Variants in TRPV3 observed in about 807,000 individuals in gnomAD.
The protein encoded by TRPV3 is VRL-3.
Under a neutral mutation model 87.1 loss-of-function variants are expected in TRPV3, and 88 were observed. That is an observed-to-expected ratio of 1.01 (90% confidence interval 0.85 to 1.21). TRPV3 has a LOEUF of 1.21. TRPV3 is among the 50% of genes most tolerant of loss of function. The pLI, the probability that TRPV3 is intolerant of heterozygous loss-of-function variation, is 0.00. For missense variants in TRPV3, 1,054 were observed against 1,030.1 expected, an observed-to-expected ratio of 1.02 and a Z score of -0.32; for synonymous variants, 438 against 423.3, an observed-to-expected ratio of 1.03 and a Z score of -0.43.
At chr17:3,554,689 C>T (rs2074610073) in intron 2 of TRPV3, 43 bp downstream of exon 2, 7 of 1,404,982 alleles carry the variant, frequency 5.0e-6, no homozygotes, top group Non-Finnish European at 7.0e-6. Context: ...CACTCGTGCC[C>T]CTCACAGTGC....
At position 3,545,265 on chromosome 17, in the gene TRPV3, G is replaced by T. The variant is rs920852886; in HGVS notation, c.126C>A (p.His42Gln). ...AEITPTKKSA[H>Q]FFLEIEGFEP... ...CAAACCCTTCTATCTCCAGGAAGAA[G>T]TGTGCACTGAGGGAACACGGAGGAA... is the stretch of plus-strand genomic sequence containing the variant. The change falls in exon 3 of 18, where the codon CAC becomes CAA. Residue 42 changes from histidine (H) to glutamine (Q), a missense_variant. His to Gln is a conservative substitution (Grantham distance 24). Transcript: ENST00000576742. The T allele has an allele frequency of 6.2e-7, 1 of 1,613,008 alleles. No individual in the cohort carries two copies. Among genetic ancestry groups the T allele is most frequent in the Non-Finnish European group, 8.5e-7 (1 of 1,179,118 alleles).
chr17:3,532,537 A>T, intron 8 of TRPV3, 120 bp downstream of exon 8: 1 of 1,298,122 alleles, frequency 7.7e-7, no homozygotes, highest in Non-Finnish European at 1.1e-6. Context: ...CAAGGCTGGG[A>T]CCTTCTCAAG....
At chr17:3,525,061 CT>C (rs971383678) in intron 12 of TRPV3, among the ~76,000 whole-genome samples, 42 of 152,266 alleles carry the variant, frequency 2.8e-4, no homozygotes, top group Non-Finnish European at 3.4e-4. Flanking sequence ...GCTCTGTCAC[CT>C]AGGCTGGAGT....
chr17:3,528,990 C>T lies in TRPV3; in HGVS notation c.1248G>A (p.Arg416=), dbSNP rs1388997901. The T allele has an allele frequency of 6.2e-7, 1 of 1,614,020 alleles. No individual in the cohort carries two copies. Among genetic ancestry groups the T allele is most frequent in the East Asian group, 2.2e-5 (1 of 44,898 alleles). ...ITVYNTNIDN[R]HEMLTLEPLH... ...GCGGCTCCAGGGTCAGCATCTCATGCCGGTTCTAGGGGTAGAATGCCACCA... is the reference window on the plus strand; with the variant it reads ...GCGGCTCCAGGGTCAGCATCTCATGTCGGTTCTAGGGGTAGAATGCCACCA... Residue 416 remains arginine, a synonymous_variant, in exon 10 of 18, where the codon CGG becomes CGA. Transcript: ENST00000576742. This position sits in a 1 kb window ranked among gnomAD's most constrained non-coding sequence, Gnocchi z 4.2.
chr17:3,528,010 G>T lies in TRPV3; in HGVS notation c.1503+15C>A. 6.3e-7 allele frequency: 1 copy of T among 1,598,958 alleles called. No homozygotes were observed. Among genetic ancestry groups the T allele is most frequent in the Middle Eastern group, 1.8e-4 (1 of 5,692 alleles). On this transcript the variant is annotated intron_variant, in intron 11 of 17. Coordinates refer to ENST00000576742, the MANE Select transcript of TRPV3 (RefSeq NM_145068.4). The surrounding 1 kb of genome is among the most constrained non-coding windows in gnomAD (Gnocchi z 4.2). Reference sequence around the variant, plus strand: ...CCTCGCGGGGCGGTCTGGAAGGGCCGGGTGGCCCACTTACCTCTTTCACAG... The same window carrying T: ...CCTCGCGGGGCGGTCTGGAAGGGCCTGGTGGCCCACTTACCTCTTTCACAG...
At chr17:3,555,208 C>T (rs113920307) in intron 1 of TRPV3, among the ~76,000 whole-genome samples, 1,634 of 152,220 alleles carry the variant, frequency 0.011, 30 homozygotes, top group African/African-American at 0.036. Context: ...CGGTAGAGAC[C>T]ACCATGCCCC....
At chr17:3,529,819 A>G (rs1033494305) in intron 9 of TRPV3, among the ~76,000 whole-genome samples, 2 of 109,894 alleles carry the variant, frequency 1.8e-5, no homozygotes, top group East Asian at 6.0e-4. Context: ...TCTACAGTCC[A>G]AGGTCAATCA....
rs1350437439 is a variant in TRPV3 at position 3,514,605 on chromosome 17, C to T, written c.2266G>A (p.Val756Ile). The T allele has an allele frequency of 1.5e-5, 25 of 1,613,796 alleles. No individual in the cohort carries two copies. The highest frequency in any genetic ancestry group is 2.0e-5 in the Non-Finnish European group (24 of 1,179,680). The change falls in exon 17 of 18, where the codon GTA becomes ATA. Residue 756 changes from valine to isoleucine, a missense_variant. Coordinates refer to ENST00000576742, the MANE Select transcript of TRPV3 (RefSeq NM_145068.4). ...VSFLNEDPGPVRRTDFNKIQD... is the reference protein window; with the variant it reads ...VSFLNEDPGPIRRTDFNKIQD... ...ACAGCGACAGTACCTGTTCGTCTTA[C>T]AGGCCCCGGGTCTTCGTTAAGGAAG... is the stretch of plus-strand genomic sequence containing the variant.
rs1473623423 is a variant in TRPV3, at chr17:3,511,361, T to TA, written c.*2555dup. On this transcript the variant is annotated 3_prime_UTR_variant, in exon 18 of 18. Transcript: ENST00000576742. Reference sequence around the variant, plus strand: ...ACTGTGCTTTTTAAAAATAAATAAATAATGGCTCAGGGAGACATCTGTGGT... The same window carrying TA: ...ACTGTGCTTTTTAAAAATAAATAAATAAATGGCTCAGGGAGACATCTGTGGT... 1.3e-5 allele frequency: 2 copies of TA among 152,124 alleles called. No homozygotes were observed. The highest frequency in any genetic ancestry group is 4.8e-5 in the African/African-American group (2 of 41,428). The allele number at this position is 152,124 out of a possible 1,614,324, so 9.4% of individuals were successfully genotyped here.
chr17:3,525,931 TTAAGTA>T (rs753591001), intron 12 of TRPV3, among the ~76,000 whole-genome samples: 92 of 152,276 alleles, frequency 6.0e-4, no homozygotes, highest in Non-Finnish European at 1.0e-4. Context: ...TAAAATGTTT[TTAAGTA>T]TAATATATCG....
intron 2 of TRPV3, among the ~76,000 whole-genome samples, chr17:3,547,512 G>A (rs778748983): frequency 3.3e-5 from 5 of 152,122 alleles, no homozygotes; most frequent in African/African-American, 9.7e-5. Context: ...TCCCATCTAC[G>A]TGGGAGGCTG....
In TRPV3 at chr17:3,528,397, C is replaced by G. The variant is rs1052048485; in HGVS notation, c.1402-271G>C. Among the ~76,000 whole-genome samples, 1 of 152,192 alleles carries G rather than the reference C, an allele frequency of 6.6e-6. No homozygotes were observed. Among genetic ancestry groups the G allele is most frequent in the Non-Finnish European group, 1.5e-5 (1 of 68,040 alleles). The stretch of plus-strand genomic sequence containing the variant: ...TCCATTGCAATAGCCTTTCCGGAAC[C>G]CATCCATATCCAGGCACTCAACATG... On this transcript the variant is annotated intron_variant, in intron 10 of 17. Coordinates refer to ENST00000576742, the MANE Select transcript of TRPV3 (RefSeq NM_145068.4). This position sits in a 1 kb window ranked among gnomAD's most constrained non-coding sequence, Gnocchi z 4.2.
chr17:3,521,041 T>A lies in TRPV3; in HGVS notation c.1744-2A>T. The A allele has an allele frequency of 6.2e-7, 1 of 1,600,962 alleles. No individual in the cohort carries two copies. On this transcript the variant is annotated splice_acceptor_variant, in intron 13 of 17. Transcript: ENST00000576742. LOFTEE classifies it high-confidence loss of function. ...CTTCAGAACATCATGCAAAATGACCTATAAGGAAATAAACATAATTCAAGT... is the reference window on the plus strand; with the variant it reads ...CTTCAGAACATCATGCAAAATGACCAATAAGGAAATAAACATAATTCAAGT...
Position 3,518,324 on chromosome 17 carries a change from C to T in TRPV3, c.2085+252G>A, listed in dbSNP as rs1280158888. 6.6e-6 allele frequency among the ~76,000 whole-genome samples: 1 copy of T among 152,240 alleles called. No homozygotes were observed. The highest frequency in any genetic ancestry group is 1.9e-4 in the East Asian group (1 of 5,200). ...GTCAAACTTCAACATCCACACATCA[C>T]ACTGTCAACCCTGAGCAGAGCACCC... On this transcript the variant is annotated intron_variant, in intron 15 of 17. Coordinates refer to ENST00000576742, the MANE Select transcript of TRPV3 (RefSeq NM_145068.4). This position sits in a 1 kb window ranked among gnomAD's most constrained non-coding sequence, Gnocchi z 4.3.
Position 3,511,457 on chromosome 17 carries a change from A to G in TRPV3, c.*2460T>C, listed in dbSNP as rs1270944694. ...CCTGCATGACTTTGCCCAAGTACAC[A>G]TTCCTCTCGGAGCATTAGCCTCTGG... is the stretch of plus-strand genomic sequence containing the variant. On this transcript the variant is annotated 3_prime_UTR_variant, in exon 18 of 18. Transcript: ENST00000576742. 6.6e-6 allele frequency: 1 copy of G among 152,224 alleles called. No homozygotes were observed. The highest frequency in any genetic ancestry group is 1.5e-5 in the Non-Finnish European group (1 of 68,046). The allele number at this position is 152,224 out of a possible 1,614,324, so 9.4% of individuals were successfully genotyped here.
At chr17:3,516,830 G>A (rs953638350) in intron 15 of TRPV3, among the ~76,000 whole-genome samples, 3 of 151,184 alleles carry the variant, frequency 2.0e-5, no homozygotes, top group African/African-American at 7.3e-5. Flanking sequence ...CCAACATGGC[G>A]AAACCCTGTT....
chr17:3,551,501 C>T (rs1404184007), intron 2 of TRPV3, among the ~76,000 whole-genome samples: 4 of 152,190 alleles, frequency 2.6e-5, no homozygotes, highest in African/African-American at 4.8e-5. Context: ...GCAGATAGCT[C>T]TATACCATTT....
chr17:3,527,040 G>T (rs1447673037), intron 11 of TRPV3, 113 bp from the exon 12 acceptor site: 10 of 815,950 alleles, frequency 1.2e-5, no homozygotes, highest in Admixed American at 8.7e-5. Context: ...ATGCACAAAG[G>T]CCCAGCTAGA....
At chr17:3,539,657 A>C (rs1343562570) in intron 6 of TRPV3, 1 of 152,108 alleles carries the variant, frequency 6.6e-6, no homozygotes, top group Non-Finnish European at 1.5e-5. Flanking sequence ...TGTCTCAAAA[A>C]CAATAATAAA....
Sources: allele counts gnomAD v4.1 joint callset (sites outside exome capture counted in the v4.1 genomes callset), GRCh38; gene constraint gnomAD v4.1.1; non-coding constraint Gnocchi (gnomAD v3.1); transcripts MANE v1.5; gene names NCBI Gene and HGNC (gene_info 2026-07-23, HGNC 2026-07-21).